GALNTL6: variants seen among roughly 807,000 people sequenced by gnomAD.
GALNTL6 encodes the protein polypeptide N-acetylgalactosaminyltransferase-like 6.
GALNTL6 carries 46 observed loss-of-function variants against 73.7 expected under a neutral mutation model. The ratio of observed to expected loss-of-function variants is 0.62; its 90% CI spans 0.49 to 0.80. GALNTL6 has a LOEUF of 0.80. GALNTL6 is among the 30% of genes least tolerant of loss of function. The pLI is 0.00. For synonymous variants in GALNTL6, 259 were observed against 263.7 expected, an observed-to-expected ratio of 0.98 and a Z score of 0.17; for missense variants, 604 against 755.0, an observed-to-expected ratio of 0.80 and a Z score of 2.34.
At chr4:171,840,282 T>G (rs935293776) in intron 2 of GALNTL6, among the ~76,000 whole-genome samples, 1 of 152,230 alleles carries the variant, frequency 6.6e-6, no homozygotes, top group South Asian at 2.1e-4. Flanking sequence ...CTGTTAACAG[T>G]ACAGGTTTGA....
At chr4:172,956,912 G>A (rs1245082178) in intron 10 of GALNTL6, among the ~76,000 whole-genome samples, 1 of 152,128 alleles carries the variant, frequency 6.6e-6, no homozygotes. Context: ...CTGCTTGGGT[G>A]ATTTGACTAG....
chr4:172,246,345 G>T (rs1737658473), intron 3 of GALNTL6, among the ~76,000 whole-genome samples: 2 of 152,142 alleles, frequency 1.3e-5, no homozygotes, highest in Non-Finnish European at 2.9e-5. Context: ...TAATCATTGG[G>T]ATACCAATAT....
chr4:171,845,585 C>T (rs1377072138), intron 2 of GALNTL6, among the ~76,000 whole-genome samples: 1 of 152,134 alleles, frequency 6.6e-6, no homozygotes, highest in Non-Finnish European at 1.5e-5. Context: ...ATCTCATTCT[C>T]AGCTAACAAT....
intron 5 of GALNTL6, among the ~76,000 whole-genome samples, chr4:172,761,332 C>T (rs912458380): frequency 2.6e-5 from 4 of 152,156 alleles, no homozygotes; most frequent in Admixed American, 2.6e-4. Context: ...TATTATAAAA[C>T]ACACTTTAGG....
intron 10 of GALNTL6, among the ~76,000 whole-genome samples, chr4:172,966,405 T>C (rs1579719915): frequency 6.6e-6 from 1 of 152,134 alleles, no homozygotes; most frequent in East Asian, 1.9e-4. Flanking sequence ...CGATCTTTTT[T>C]TTTTTTTGAG....
At chr4:171,824,980 G>A (rs1379676441) in intron 2 of GALNTL6, among the ~76,000 whole-genome samples, 1 of 152,104 alleles carries the variant, frequency 6.6e-6, no homozygotes, top group African/African-American at 2.4e-5. Context: ...CCCAGAATAT[G>A]CAATGAACAA....
chr4:171,904,712 A>T (rs949925580), intron 2 of GALNTL6, among the ~76,000 whole-genome samples: 1 of 152,336 alleles, frequency 6.6e-6, no homozygotes, highest in Non-Finnish European at 1.5e-5. Context: ...CAAAGTTGAA[A>T]TGAAGGAAAA....
intron 2 of GALNTL6, among the ~76,000 whole-genome samples, chr4:172,018,532 T>G (rs997078176): frequency 1.3e-5 from 2 of 152,012 alleles, no homozygotes; most frequent in Non-Finnish European, 2.9e-5. Context: ...CCCACACAGT[T>G]GGCAAGCCTG....
At chr4:172,528,370 A>G (rs1579157105) in intron 5 of GALNTL6, among the ~76,000 whole-genome samples, 1 of 120,092 alleles carries the variant, frequency 8.3e-6, no homozygotes, top group Non-Finnish European at 1.7e-5. Context: ...ATATATGGTT[A>G]TTTTTTAGAT....
In GALNTL6 at chr4:173,004,118, C is replaced by T. The variant is rs768669843; in HGVS notation, c.1372-5060C>T. On this transcript the variant is annotated intron_variant, in intron 10 of 12. Coordinates refer to ENST00000506823, the MANE Select transcript of GALNTL6 (RefSeq NM_001034845.3). ...TGAGCCCAGGAGTTAAAGACTGTGGCAAGCTGTGTGAGCTGTGAACACGCC... is the reference window on the plus strand; with the variant it reads ...TGAGCCCAGGAGTTAAAGACTGTGGTAAGCTGTGTGAGCTGTGAACACGCC... Among the ~76,000 whole-genome samples, 43 of 151,326 alleles carry T rather than the reference C, an allele frequency of 2.8e-4. 1 individual carries two copies. The highest frequency in any genetic ancestry group is 4.7e-4 in the Non-Finnish European group (32 of 67,830).
chr4:172,287,975 A>G (rs1739322180), intron 3 of GALNTL6, among the ~76,000 whole-genome samples: 1 of 152,210 alleles, frequency 6.6e-6, no homozygotes, highest in Non-Finnish European at 1.5e-5. Context: ...GAAAGTGAAT[A>G]TGGATTTTGC....
chr4:172,011,086 A>G (rs1233204665), intron 2 of GALNTL6, among the ~76,000 whole-genome samples: 1 of 152,088 alleles, frequency 6.6e-6, no homozygotes, highest in African/African-American at 2.4e-5. Flanking sequence ...ATATATGAGA[A>G]CTGTACTATT....
At chr4:171,963,064 C>T (rs536013996) in intron 2 of GALNTL6, among the ~76,000 whole-genome samples, 72 of 122,314 alleles carry the variant, frequency 5.9e-4, no homozygotes, top group African/African-American at 1.9e-3. Context: ...CTGCGCCCAA[C>T]CTACTTTTTT....
Position 172,920,452 on chromosome 4 carries a change from G to A in GALNTL6, c.1042-10709G>A, listed in dbSNP as rs2877738. ...AAAATCTATATCCCAAAGCTTTTCA[G>A]GTTAACAATATTTTAATTTCTAGAT... On this transcript the variant is annotated intron_variant, in intron 8 of 12. Transcript: ENST00000506823. Among the ~76,000 whole-genome samples the A allele has an allele frequency of 1.1e-3, 170 of 152,152 alleles. No homozygotes were observed. The East Asian group carries it at 0.02, about 18-fold the overall frequency.
chr4:172,349,833 AT>A (rs1741881643), intron 5 of GALNTL6, among the ~76,000 whole-genome samples: 1 of 78,868 alleles, frequency 1.3e-5, no homozygotes, highest in South Asian at 5.3e-4. Context: ...AAAAAAAAAT[AT>A]ATATATATAT....
At chr4:171,885,283 T>C (rs1736576911) in intron 2 of GALNTL6, among the ~76,000 whole-genome samples, 1 of 152,194 alleles carries the variant, frequency 6.6e-6, no homozygotes, top group South Asian at 2.1e-4. Context: ...TAATTTCATG[T>C]CATTTGCCCT....
At chr4:172,920,104 T>A (rs1056833742) in intron 8 of GALNTL6, among the ~76,000 whole-genome samples, 12 of 152,118 alleles carry the variant, frequency 7.9e-5, no homozygotes, top group African/African-American at 2.7e-4. Flanking sequence ...TTAGAAAAAA[T>A]TCTAAGCAGA....
intron 2 of GALNTL6, among the ~76,000 whole-genome samples, chr4:172,032,574 C>T (rs1216601659): frequency 6.6e-6 from 1 of 151,924 alleles, no homozygotes; most frequent in Admixed American, 6.6e-5. Context: ...TATAAACACA[C>T]CCCAAAACAA....
intron 3 of GALNTL6, among the ~76,000 whole-genome samples, chr4:172,289,504 T>C (rs183380143): frequency 9.0e-4 from 137 of 152,354 alleles, no homozygotes; most frequent in African/African-American, 2.8e-3. Context: ...ATATTACATT[T>C]ATTTTCTTAA....
Sources: gnomAD v4.1 joint callset for allele counts (sites outside exome capture counted in the v4.1 genomes callset) on GRCh38, gnomAD v4.1.1 for gene constraint, MANE v1.5 for transcripts, NCBI Gene and HGNC (gene_info 2026-07-23, HGNC 2026-07-21) for gene names.